Variants in ABCA8 observed in about 807,000 individuals in gnomAD.
ABCA8 encodes the protein ATP binding cassette subfamily A member 8, also known as ABC-type organic anion transporter ABCA8.
In ABCA8, 177 loss-of-function variants were observed where a neutral mutation model predicts 192.3. That is an observed-to-expected ratio of 0.92 (90% CI 0.81 to 1.04). ABCA8 has a LOEUF of 1.04. Among genes scored for constraint, ABCA8 ranks in the 50% least tolerant of loss-of-function variants. ABCA8 has a pLI of 0.00. For missense variants in ABCA8, 1,915 were observed against 1,904.8 expected (o/e 1.01, Z -0.10); for synonymous variants, 642 against 690.2 (o/e 0.93, Z 1.09).
intron 5 of ABCA8, among the ~76,000 whole-genome samples, chr17:68,933,855 A>G (rs748318717): frequency 1.4e-4 from 21 of 152,060 alleles, no homozygotes; most frequent in Admixed American, 2.0e-4. Context: ...AAAATTGAGT[A>G]TAGGAATTAA....
intron 22 of ABCA8, 104 bp downstream of exon 22, chr17:68,894,776 C>A: frequency 1.6e-6 from 2 of 1,246,254 alleles, no homozygotes; most frequent in Non-Finnish European, 1.1e-6. Context: ...TAAATGAAAA[C>A]AGTATTTGCT....
At chr17:68,953,421 A>G (rs1370795645) in intron 1 of ABCA8, among the ~76,000 whole-genome samples, 1 of 152,216 alleles carries the variant, frequency 6.6e-6, no homozygotes. Flanking sequence ...GGACAGGATC[A>G]CACACAGGGT....
At chr17:68,876,341 T>C (rs1233253148) in intron 35 of ABCA8, 119 bp downstream of exon 35, 2 of 1,105,842 alleles carry the variant, frequency 1.8e-6, no homozygotes, top group East Asian at 2.4e-5. Context: ...ACAAGTGACA[T>C]TGATAGTTTT....
intron 28 of ABCA8, 101 bp downstream of exon 28, chr17:68,884,230 G>A (rs1470293): frequency 0.77 from 835,790 of 1,081,032 alleles, 326,068 homozygotes; most frequent in East Asian, 1. Flanking sequence ...ATAGATACCT[G>A]TATCTCTAAC....
intron 2 of ABCA8, among the ~76,000 whole-genome samples, chr17:68,945,098 G>A (rs2068361705): frequency 2.0e-5 from 3 of 152,232 alleles, no homozygotes; most frequent in East Asian, 1.9e-4. Context: ...AATGGAGGGG[G>A]TCTCCTTTAC....
chr17:68,931,761 C>CTTTTTTTTTTTT (rs71144640), intron 7 of ABCA8: 7 of 96,190 alleles, frequency 7.3e-5, no homozygotes, highest in East Asian at 3.6e-4. Flanking sequence ...AATACATTTC[C>CTTTTTTTTTTTT]TTTTTTTTTT....
At chr17:68,924,572 G>T in intron 11 of ABCA8, 129 bp downstream of exon 11, 1 of 972,804 alleles carries the variant, frequency 1.0e-6, no homozygotes, top group Non-Finnish European at 1.5e-6. Context: ...GATGGAAAGT[G>T]ACAGAAGCAG....
rs540647525 is a variant in ABCA8, at chr17:68,907,916, T to G, written c.2139-37A>C. On this transcript the variant is annotated intron_variant, in intron 17 of 39. Transcript: ENST00000586539. ...AAAAAAAAAAAAAGACATATGTTAC[T>G]CGACATAGTCTCCAATAGCAAGAAA... 4 of 1,528,906 alleles carry G rather than the reference T, an allele frequency of 2.6e-6. No homozygotes were observed. In the East Asian group the frequency reaches 6.9e-5, roughly 26 times the overall value. The allele number at this position is 1,528,906 out of a possible 1,614,324, so 94.7% of individuals were successfully genotyped here. A position where few individuals can be genotyped will look rare whatever the true frequency, so the allele number is the denominator to read the frequency against.
intron 10 of ABCA8, among the ~76,000 whole-genome samples, chr17:68,927,572 A>G (rs2067736077): frequency 6.6e-6 from 1 of 152,116 alleles, no homozygotes; most frequent in Admixed American, 6.5e-5. Context: ...AGAACCATCG[A>G]GCTAAACAGT....
chr17:68,899,231 T>C (rs1429831674), intron 21 of ABCA8, among the ~76,000 whole-genome samples: 2 of 152,112 alleles, frequency 1.3e-5, no homozygotes, highest in African/African-American at 4.8e-5. Flanking sequence ...ATACAAATCC[T>C]ACATTATTAG....
At chr17:68,952,450 C>T (rs188767725) in intron 1 of ABCA8, among the ~76,000 whole-genome samples, 109 of 152,250 alleles carry the variant, frequency 7.2e-4, no homozygotes, top group East Asian at 5.2e-3. Flanking sequence ...GATCTCCTGA[C>T]CTTGTGATCC....
intron 7 of ABCA8, chr17:68,931,811 C>A: frequency 7.4e-6 from 1 of 134,384 alleles, no homozygotes. Context: ...AGCATTTCTC[C>A]CCACTGAAAT....
rs74323415 is a variant in ABCA8, at chr17:68,908,153, T to C, written c.2139-274A>G. On this transcript the variant is annotated intron_variant, in intron 17 of 39. Coordinates refer to ENST00000586539, the MANE Select transcript of ABCA8 (RefSeq NM_001288985.2). ...AGGAGTAGTGCCCAGAGAAGTTTCA[T>C]ATTGATTGAAGCTCCTGAAGAGAGG... 4.7e-4 allele frequency among the ~76,000 whole-genome samples: 71 copies of C among 152,306 alleles called. 1 individual carries two copies. In the East Asian group the frequency reaches 0.012, roughly 26 times the overall value.
At chr17:68,902,135 A>G (rs2066932037) in intron 21 of ABCA8, among the ~76,000 whole-genome samples, 2 of 152,376 alleles carry the variant, frequency 1.3e-5, no homozygotes, top group Admixed American at 6.5e-5. Context: ...TACATAGATA[A>G]ATGCTACAAC....
At chr17:68,922,462 C>T (rs1396020446) in intron 11 of ABCA8, among the ~76,000 whole-genome samples, 162 bp from the exon 12 acceptor site, 2 of 151,956 alleles carry the variant, frequency 1.3e-5, no homozygotes, top group African/African-American at 2.4e-5. Flanking sequence ...TAGAATACCG[C>T]TTGCCAACCC....
intron 21 of ABCA8, among the ~76,000 whole-genome samples, chr17:68,897,249 G>C (rs1386187989): frequency 6.6e-6 from 1 of 152,172 alleles, no homozygotes; most frequent in Non-Finnish European, 1.5e-5. Context: ...AGAAAGGTCT[G>C]CTAAATCTAT....
At chr17:68,885,046 A>G (rs2066424319) in intron 27 of ABCA8, 150 bp downstream of exon 27, 5 of 1,116,728 alleles carry the variant, frequency 4.5e-6, no homozygotes, top group Middle Eastern at 2.1e-4. Flanking sequence ...ATATTGTTTT[A>G]TCTGGGAGAA....
intron 30 of ABCA8, 136 bp from the exon 31 acceptor site, chr17:68,882,116 G>T (rs2066350708): frequency 1.4e-6 from 1 of 729,332 alleles, no homozygotes; most frequent in South Asian, 1.7e-5. Flanking sequence ...TTGGTGACAT[G>T]CTCCTTGGCC....
chr17:68,875,223 C>T, intron 37 of ABCA8, 37 bp downstream of exon 37: 1 of 1,611,572 alleles, frequency 6.2e-7, no homozygotes, highest in South Asian at 1.1e-5. Context: ...TAACAGTGAA[C>T]ATTTGGTACC....
Sources: gnomAD v4.1 joint callset for allele counts (sites outside exome capture counted in the v4.1 genomes callset) on GRCh38, gnomAD v4.1.1 for gene constraint, MANE v1.5 for transcripts, NCBI Gene and HGNC (gene_info 2026-07-23, HGNC 2026-07-21) for gene names.